The following MCPH1 variants were observed in gnomAD, a reference collection of about 807,000 sequenced individuals.
MCPH1 encodes microcephalin 1.
A neutral mutation model predicts 84.5 loss-of-function variants in MCPH1; 104 were observed. That is an observed-to-expected ratio of 1.23 (90% confidence interval 1.05 to 1.45). MCPH1 has a LOEUF of 1.45. MCPH1 is among the 40% of genes most tolerant of loss of function. The pLI is 0.00. For missense variants in MCPH1, 1,498 were observed against 1,005.7 expected (o/e 1.49, Z -6.62); for synonymous variants, 514 against 366.8 (o/e 1.40, Z -4.58).
chr8:6,597,551 C>T (rs1829025630), intron 12 of MCPH1, among the ~76,000 whole-genome samples: 1 of 152,184 alleles, frequency 6.6e-6, no homozygotes, highest in South Asian at 2.1e-4. Context: ...CAGCCCAGAA[C>T]ATTCACCAGC....
chr8:6,551,402 G>A (rs902185341), intron 12 of MCPH1, among the ~76,000 whole-genome samples: 6 of 152,168 alleles, frequency 3.9e-5, no homozygotes, highest in African/African-American at 1.4e-4. Flanking sequence ...CAAATTATAT[G>A]TATTAAAAGT....
In MCPH1 at chr8:6,643,733, A is replaced by C. The variant is rs1350166855; in HGVS notation, c.*684A>C. 1 of 153,112 alleles carries C rather than the reference A, an allele frequency of 6.5e-6. No individual in the cohort carries two copies. Among genetic ancestry groups the C allele is most frequent in the Non-Finnish European group, 1.5e-5 (1 of 68,734 alleles). The allele number at this position is 153,112 out of a possible 1,614,324, so 9.5% of individuals were successfully genotyped here. ...TAGGTAGGAAAGACATTTGTCAGCT[A>C]TTAAGGTGACTTTTATCTAGCGGAG... On this transcript the variant is annotated 3_prime_UTR_variant, in exon 14 of 14. Transcript: ENST00000344683.
chr8:6,509,136 G>A, intron 12 of MCPH1: 1 of 1,551,256 alleles, frequency 6.4e-7, no homozygotes, highest in South Asian at 1.2e-5. Context: ...TTTTTGTGAT[G>A]AAGAATTCCA....
chr8:6,489,895 T>TGTACTTTTTTTTTAAGTACA (rs1810372901), intron 11 of MCPH1, among the ~76,000 whole-genome samples: 3 of 152,236 alleles, frequency 2.0e-5, no homozygotes, highest in Admixed American at 6.5e-5. Context: ...AAAAAGTTGC[T>TGTACTTTTTTTTTAAGTACA]GTATTTGGCA....
chr8:6,616,755 C>A (rs1293604063), intron 12 of MCPH1: 4 of 152,276 alleles, frequency 2.6e-5, no homozygotes, highest in Admixed American at 2.6e-4. Flanking sequence ...CTCTTTCAAA[C>A]CCCACCCAAA....
intron 3 of MCPH1, among the ~76,000 whole-genome samples, chr8:6,425,753 C>T (rs1303521266): frequency 6.6e-6 from 1 of 152,176 alleles, no homozygotes; most frequent in African/African-American, 2.4e-5. Context: ...TTCTCTGCTC[C>T]TCGGTTTTCT....
intron 12 of MCPH1, among the ~76,000 whole-genome samples, chr8:6,605,956 C>A (rs1208974049): frequency 6.6e-6 from 1 of 152,182 alleles, no homozygotes. Context: ...CTTGGCCCCC[C>A]AGAATGCTGG....
At chr8:6,582,543 T>C (rs1827641354) in intron 12 of MCPH1, among the ~76,000 whole-genome samples, 3 of 152,328 alleles carry the variant, frequency 2.0e-5, no homozygotes, top group African/African-American at 7.2e-5. Context: ...CTTTATTTTA[T>C]TTTTTAATGC....
rs192714553 is a variant in MCPH1 at position 6,477,348 on chromosome 8, T to C, written c.1936-246T>C. ...GGTGGAACAGATTCCTGGGGGAAAT[T>C]TTTTTGTTTTGCTCTTGTACCTCAT... On this transcript the variant is annotated intron_variant, in intron 9 of 13. Coordinates refer to ENST00000344683, the MANE Select transcript of MCPH1 (RefSeq NM_024596.5). 6.1e-4 allele frequency: 285 copies of C among 470,202 alleles called. 2 individuals are homozygous for C. The highest frequency in any genetic ancestry group is 5.0e-3 in the African/African-American group (250 of 50,258). The allele number at this position is 470,202 out of a possible 1,614,324, so 29.1% of individuals were successfully genotyped here.
At chr8:6,480,269 C>T (rs984862382) in intron 10 of MCPH1, among the ~76,000 whole-genome samples, 3 of 152,072 alleles carry the variant, frequency 2.0e-5, no homozygotes, top group Non-Finnish European at 2.9e-5. Context: ...GAACAACAGG[C>T]GCGTGCCACC....
chr8:6,617,013 A>G (rs1405801436), intron 12 of MCPH1: 1 of 152,144 alleles, frequency 6.6e-6, no homozygotes, highest in African/African-American at 2.4e-5. Flanking sequence ...AGTTGTAAAT[A>G]GCTGCTGGCA....
At chr8:6,450,492 A>G (rs1585849042) in intron 8 of MCPH1, among the ~76,000 whole-genome samples, 1 of 149,408 alleles carries the variant, frequency 6.7e-6, no homozygotes, top group African/African-American at 2.5e-5. Context: ...TACCACCTCC[A>G]GGGATACCAG....
At chr8:6,470,264 C>T (rs535045276) in intron 9 of MCPH1, among the ~76,000 whole-genome samples, 1 of 152,078 alleles carries the variant, frequency 6.6e-6, no homozygotes, top group African/African-American at 2.4e-5. Flanking sequence ...TTCTGAGATC[C>T]TCATACTTTG....
At chr8:6,412,574 C>T (rs1322540985) in intron 2 of MCPH1, among the ~76,000 whole-genome samples, 1 of 152,170 alleles carries the variant, frequency 6.6e-6, no homozygotes, top group African/African-American at 2.4e-5. Context: ...CTGATTCACC[C>T]TTAATCTAGA....
chr8:6,640,241 C>T (rs1797857720), intron 13 of MCPH1, among the ~76,000 whole-genome samples: 1 of 152,098 alleles, frequency 6.6e-6, no homozygotes, highest in Non-Finnish European at 1.5e-5. Flanking sequence ...ACATTCCAAG[C>T]AGTGAAATTA....
intron 12 of MCPH1, among the ~76,000 whole-genome samples, chr8:6,582,639 C>G (rs1827647521): frequency 6.6e-6 from 1 of 152,286 alleles, no homozygotes; most frequent in South Asian, 2.1e-4. Context: ...TGGTGCCCAC[C>G]TCCACCTCCG....
At chr8:6,458,468 T>C (rs1418434287) in intron 9 of MCPH1, among the ~76,000 whole-genome samples, 1 of 127,808 alleles carries the variant, frequency 7.8e-6, no homozygotes, top group Non-Finnish European at 1.6e-5. Context: ...TGAGACTCCT[T>C]CTCAAAAAAA....
At chr8:6,509,114 G>A (rs369793463) in intron 12 of MCPH1, 44 of 1,581,062 alleles carry the variant, frequency 2.8e-5, no homozygotes, top group East Asian at 4.5e-5. Context: ...TTGATTTACC[G>A]TAGTGGCAAA....
intron 9 of MCPH1, among the ~76,000 whole-genome samples, chr8:6,459,057 A>T (rs1000790696): frequency 6.6e-6 from 1 of 152,370 alleles, no homozygotes; most frequent in Admixed American, 6.5e-5. Context: ...CAGAAACACT[A>T]AAATTTAGTT....
Sources: allele counts gnomAD v4.1 joint callset (sites outside exome capture counted in the v4.1 genomes callset), GRCh38; gene constraint gnomAD v4.1.1; transcripts MANE v1.5; gene names NCBI Gene and HGNC (gene_info 2026-07-23, HGNC 2026-07-21).